FBXW10B: variants seen among roughly 807,000 people sequenced by gnomAD.
FBXW10B encodes F-box and WD repeat domain containing 10B, also known as F-box and WD repeat domain containing protein 10B.
At chr17:15,591,704 G>A in the FBXW10B span, among the ~76,000 whole-genome samples, 2 of 152,074 alleles carry the variant, frequency 1.3e-5, no homozygotes, top group Non-Finnish European at 2.9e-5. Context: ...TTGTTTGTTT[G>A]TTTGTTTGTT....
the FBXW10B span, among the ~76,000 whole-genome samples, chr17:15,577,722 C>G: frequency 6.6e-6 from 1 of 152,160 alleles, no homozygotes; most frequent in African/African-American, 2.4e-5. Context: ...ATGCTGTTTT[C>G]ATTGGTTGGT....
the FBXW10B span, among the ~76,000 whole-genome samples, chr17:15,586,658 T>C: frequency 6.6e-6 from 1 of 151,234 alleles, no homozygotes; most frequent in Non-Finnish European, 1.5e-5. Context: ...GAGGAACAAA[T>C]AGGAAACAGA....
chr17:15,583,034 T>C, the FBXW10B span, among the ~76,000 whole-genome samples: 1 of 149,364 alleles, frequency 6.7e-6, no homozygotes, highest in Non-Finnish European at 1.5e-5. Context: ...CTCTCTTTGC[T>C]GACTTCCACA....
chr17:15,613,387 G>C, the FBXW10B span, among the ~76,000 whole-genome samples: 15 of 129,642 alleles, frequency 1.2e-4, no homozygotes, highest in South Asian at 2.4e-4. Context: ...CTCTGCTCCT[G>C]AGCGGTCTCT....
chr17:15,573,440 CTTAAT>C, the FBXW10B span: 2 of 152,190 alleles, frequency 1.3e-5, no homozygotes, highest in Non-Finnish European at 2.9e-5. Flanking sequence ...TTTGTTCCCT[CTTAAT>C]TTAACTGAGT....
chr17:15,610,705 G>A, the FBXW10B span, among the ~76,000 whole-genome samples: 1 of 152,312 alleles, frequency 6.6e-6, no homozygotes, highest in African/African-American at 2.4e-5. Flanking sequence ...GTTTGTCCAA[G>A]ATGACAGTAC....
the FBXW10B span, chr17:15,605,062 C>T: frequency 1.0e-6 from 1 of 980,896 alleles, no homozygotes; most frequent in Non-Finnish European, 1.2e-6. Flanking sequence ...ACATTCCTGA[C>T]TTTTTCCTTG....
At chr17:15,597,141 A>G in the FBXW10B span, among the ~76,000 whole-genome samples, 853 of 151,926 alleles carry the variant, frequency 5.6e-3, 7 homozygotes, top group African/African-American at 0.02. Flanking sequence ...TCTATCCCCA[A>G]AATGAAAGAA....
the FBXW10B span, among the ~76,000 whole-genome samples, chr17:15,597,557 C>T: frequency 1.3e-5 from 2 of 151,882 alleles, no homozygotes; most frequent in African/African-American, 4.8e-5. Context: ...CACTTGAACC[C>T]GGGAGGCAGA....
chr17:15,588,937 G>A, the FBXW10B span: 2 of 1,613,860 alleles, frequency 1.2e-6, no homozygotes, highest in Middle Eastern at 1.6e-4. Flanking sequence ...ACTCACAGGA[G>A]CCCTGGGGCT....
the FBXW10B span, chr17:15,619,468 A>G: frequency 6.2e-7 from 1 of 1,613,770 alleles, no homozygotes; most frequent in African/African-American, 1.3e-5. Context: ...CCTTCTCACA[A>G]CGAAAATAGG....
At chr17:15,570,211 A>T in the FBXW10B span, among the ~76,000 whole-genome samples, 1 of 152,234 alleles carries the variant, frequency 6.6e-6, no homozygotes, top group Non-Finnish European at 1.5e-5. Flanking sequence ...GAAGGAATAC[A>T]TGGCATCTGC....
the FBXW10B span, chr17:15,605,154 A>G: frequency 6.4e-7 from 1 of 1,574,228 alleles, no homozygotes; most frequent in Non-Finnish European, 8.6e-7. Flanking sequence ...AGAAGCATGC[A>G]CACTTCTTCC....
chr17:15,608,405 C>T, the FBXW10B span, among the ~76,000 whole-genome samples: 1 of 151,640 alleles, frequency 6.6e-6, no homozygotes, highest in Non-Finnish European at 1.5e-5. Context: ...TGTGATCTGC[C>T]TGCCTCGGCT....
the FBXW10B span, among the ~76,000 whole-genome samples, chr17:15,591,378 C>T: frequency 3.3e-5 from 5 of 152,250 alleles, no homozygotes; most frequent in Non-Finnish European, 7.4e-5. Flanking sequence ...CAACCTCCGC[C>T]TCCTGGGTTC....
chr17:15,613,994 A>G, the FBXW10B span: 7 of 1,606,330 alleles, frequency 4.4e-6, no homozygotes, highest in East Asian at 9.0e-5. Context: ...CAGCCTATTC[A>G]TTTCGGATAT....
At chr17:15,573,942 C>T in the FBXW10B span, 1 of 466,378 alleles carries the variant, frequency 2.1e-6, no homozygotes, top group East Asian at 3.2e-5. Context: ...TCATTTGTTT[C>T]ATTTTCCCAA....
At chr17:15,584,060 G>A in the FBXW10B span, among the ~76,000 whole-genome samples, 1 of 152,180 alleles carries the variant, frequency 6.6e-6, no homozygotes, top group Non-Finnish European at 1.5e-5. Flanking sequence ...CCTACAACAT[G>A]TGCATATCAT....
At chr17:15,592,121 G>A in the FBXW10B span, among the ~76,000 whole-genome samples, 1 of 152,088 alleles carries the variant, frequency 6.6e-6, no homozygotes, top group African/African-American at 2.4e-5. Flanking sequence ...AGGCTGCAAT[G>A]TTAAGACCTT....
Sources: gnomAD v4.1 joint callset for allele counts (sites outside exome capture counted in the v4.1 genomes callset) on GRCh38, gnomAD v4.1.1 for gene constraint, MANE v1.5 for transcripts, NCBI Gene and HGNC (gene_info 2026-07-23, HGNC 2026-07-21) for gene names.